The following UBE3D variants were observed in gnomAD, a reference collection of about 807,000 sequenced individuals.
UBE3D encodes the protein E3 ubiquitin-protein ligase E3D.
Under a neutral mutation model 49.6 loss-of-function variants are expected in UBE3D, and 48 were observed. That is an observed-to-expected ratio of 0.97 (90% CI 0.77 to 1.23). The LOEUF (loss-of-function observed/expected upper bound fraction) is 1.23, where lower values mean the gene tolerates loss of function less well. Among genes scored for constraint, UBE3D ranks in the 50% most tolerant of loss-of-function variants. The pLI, the probability that UBE3D is intolerant of heterozygous loss-of-function variation, is 0.00. For synonymous variants in UBE3D, 189 were observed against 174.2 expected, an observed-to-expected ratio of 1.08 and a Z score of -0.67; for missense variants, 452 against 468.4, an observed-to-expected ratio of 0.96 and a Z score of 0.32.
At position 82,913,523 on chromosome 6, in the gene UBE3D, T is replaced by C. The variant is rs1772683463; in HGVS notation, c.1150-20481A>G. On this transcript the variant is annotated intron_variant, in intron 9 of 9. Coordinates refer to ENST00000369747, the MANE Select transcript of UBE3D (RefSeq NM_198920.3). ...CCCACTTATTCATTATCTCCATAGA[T>C]GCCCCTTTACATTAGCATCCCATTC... is the stretch of plus-strand genomic sequence containing the variant. Among the ~76,000 whole-genome samples the C allele has an allele frequency of 2.0e-5, 3 of 152,242 alleles. No individual in the cohort carries two copies. In the South Asian group the frequency reaches 6.2e-4, roughly 31 times the overall value.
chr6:83,011,526 T>C (rs537975926), intron 8 of UBE3D, among the ~76,000 whole-genome samples: 1 of 152,328 alleles, frequency 6.6e-6, no homozygotes, highest in East Asian at 1.9e-4. Flanking sequence ...TACTAAGAGA[T>C]GCCCTAATGG....
chr6:82,897,538 C>T (rs1367819855), intron 9 of UBE3D, among the ~76,000 whole-genome samples: 1 of 152,170 alleles, frequency 6.6e-6, no homozygotes, highest in Non-Finnish European at 1.5e-5. Context: ...TTGCAGTGAG[C>T]TGAGATCCCA....
chr6:83,039,131 C>A (rs1782468562), intron 4 of UBE3D, among the ~76,000 whole-genome samples: 1 of 152,212 alleles, frequency 6.6e-6, no homozygotes, highest in African/African-American at 2.4e-5. Flanking sequence ...TTTGCCTAAT[C>A]AATAAAGAAT....
intron 7 of UBE3D, among the ~76,000 whole-genome samples, chr6:83,019,868 C>T (rs894571510): frequency 5.3e-5 from 8 of 152,128 alleles, no homozygotes; most frequent in South Asian, 4.1e-4. Flanking sequence ...TCACTGGCAG[C>T]GGGCTGACCA....
intron 5 of UBE3D, among the ~76,000 whole-genome samples, chr6:83,024,328 G>A (rs762194308): frequency 3.5e-4 from 53 of 152,274 alleles, no homozygotes; most frequent in Non-Finnish European, 6.0e-4. Flanking sequence ...AGTGCACTTA[G>A]ATAGAAATTA....
chr6:82,899,520 C>T (rs9294265), intron 9 of UBE3D, among the ~76,000 whole-genome samples: 26,322 of 152,176 alleles, frequency 0.17, 3,761 homozygotes, highest in African/African-American at 0.39. Context: ...CTGAGCCTTG[C>T]TATGTCTTCT....
At chr6:82,929,723 T>G (rs755127325) in intron 9 of UBE3D, among the ~76,000 whole-genome samples, 2 of 152,300 alleles carry the variant, frequency 1.3e-5, no homozygotes, top group East Asian at 3.9e-4. Context: ...CCAGAAATTA[T>G]GCTATTTTTA....
chr6:82,953,921 A>G lies in UBE3D; in HGVS notation c.1149+3391T>C, dbSNP rs576767094. Among the ~76,000 whole-genome samples the G allele has an allele frequency of 2.6e-5, 4 of 152,366 alleles. No individual in the cohort carries two copies. In the South Asian group the frequency reaches 8.3e-4, roughly 32 times the overall value. ...AACTGAGACCTGAACGACAAGAAGC[A>G]GGTGGCCATGCAAAGACCTGGTGCA... On this transcript the variant is annotated intron_variant, in intron 9 of 9. Coordinates refer to ENST00000369747, the MANE Select transcript of UBE3D (RefSeq NM_198920.3).
intron 8 of UBE3D, among the ~76,000 whole-genome samples, chr6:82,998,591 T>C (rs1779403908): frequency 6.6e-6 from 1 of 152,192 alleles, no homozygotes; most frequent in South Asian, 2.1e-4. Flanking sequence ...GGATTAGAGT[T>C]TTTCTTAATA....
At chr6:82,886,630 A>C in the UBE3D span, among the ~76,000 whole-genome samples, 4 of 152,250 alleles carry the variant, frequency 2.6e-5, no homozygotes, top group East Asian at 7.7e-4. Flanking sequence ...GGGATTGGAA[A>C]GATACGTAGG....
At chr6:82,896,908 T>C (rs916996465) in intron 9 of UBE3D, among the ~76,000 whole-genome samples, 5 of 151,916 alleles carry the variant, frequency 3.3e-5, no homozygotes, top group African/African-American at 1.2e-4. Flanking sequence ...TGCCGGCTAA[T>C]TTTTGTATTT....
intron 8 of UBE3D, among the ~76,000 whole-genome samples, chr6:82,978,080 G>T (rs1483632163): frequency 6.7e-6 from 1 of 149,842 alleles, no homozygotes; most frequent in Admixed American, 6.6e-5. Flanking sequence ...AAGGGCATAA[G>T]CCAAAGATAC....
chr6:82,979,900 C>T (rs1777994793), intron 8 of UBE3D, among the ~76,000 whole-genome samples: 1 of 152,060 alleles, frequency 6.6e-6, no homozygotes, highest in Non-Finnish European at 1.5e-5. Context: ...CAGTTGTATC[C>T]ATATTGCTGC....
chr6:83,058,562 G>C (rs1420220548), intron 1 of UBE3D, among the ~76,000 whole-genome samples: 1 of 152,160 alleles, frequency 6.6e-6, no homozygotes, highest in Non-Finnish European at 1.5e-5. Context: ...AAGTATAGAG[G>C]GGATAAAGGC....
intron 4 of UBE3D, among the ~76,000 whole-genome samples, chr6:83,041,797 A>G (rs1782688651): frequency 6.6e-6 from 1 of 152,256 alleles, no homozygotes; most frequent in Admixed American, 6.5e-5. Flanking sequence ...CATCCTTGCT[A>G]GCAGTAATAT....
In UBE3D at chr6:82,914,522, G is replaced by A. The variant is rs1368594706; in HGVS notation, c.1150-21480C>T. On this transcript the variant is annotated intron_variant, in intron 9 of 9. Coordinates refer to ENST00000369747, the MANE Select transcript of UBE3D (RefSeq NM_198920.3). ...GTAGGGAGAAGTTGGCTGGAAAAGT[G>A]GACTCTACTGTGGCACCTCGGCGTC... Among the ~76,000 whole-genome samples, 3 of 152,044 alleles carry A rather than the reference G, an allele frequency of 2.0e-5. 1 individual carries two copies. Among genetic ancestry groups the A allele is most frequent in the Admixed American group, 2.0e-4 (3 of 15,260 alleles).
chr6:82,901,759 A>G (rs1771754100), intron 9 of UBE3D, among the ~76,000 whole-genome samples: 1 of 152,230 alleles, frequency 6.6e-6, no homozygotes, highest in African/African-American at 2.4e-5. Flanking sequence ...TCTAGAAGAC[A>G]ATAAAATTGT....
chr6:82,979,672 T>C (rs1777974742), intron 8 of UBE3D, among the ~76,000 whole-genome samples: 1 of 152,146 alleles, frequency 6.6e-6, no homozygotes, highest in Non-Finnish European at 1.5e-5. Context: ...TACATAGTGG[T>C]GAAGTCTAGG....
intron 9 of UBE3D, among the ~76,000 whole-genome samples, chr6:82,948,851 G>C (rs188420156): frequency 6.6e-6 from 1 of 150,642 alleles, no homozygotes; most frequent in Non-Finnish European, 1.5e-5. Context: ...TACAAAACTG[G>C]GTATAGAAGG....
Sources: allele counts gnomAD v4.1 joint callset (sites outside exome capture counted in the v4.1 genomes callset), GRCh38; gene constraint gnomAD v4.1.1; transcripts MANE v1.5; gene names NCBI Gene and HGNC (gene_info 2026-07-23, HGNC 2026-07-21).